Variants in ABCC8 observed in about 807,000 individuals in gnomAD.
The protein encoded by ABCC8 is ATP binding cassette subfamily C member 8.
In ABCC8, 137 loss-of-function variants were observed where a neutral mutation model predicts 188.0. The ratio of observed to expected loss-of-function variants is 0.73; its 90% CI spans 0.63 to 0.84. The LOEUF (loss-of-function observed/expected upper bound fraction) is 0.84, where lower values mean the gene tolerates loss of function less well. ABCC8 is among the 40% of genes least tolerant of loss of function. The pLI, the probability that ABCC8 is intolerant of heterozygous loss-of-function variation, is 0.00. For missense variants in ABCC8, 1,750 were observed against 2,072.7 expected, an observed-to-expected ratio of 0.84 and a Z score of 3.02; for synonymous variants, 797 against 846.5, an observed-to-expected ratio of 0.94 and a Z score of 1.01.
At position 17,459,912 on chromosome 11, in the gene ABCC8, G is replaced by C. The variant is rs1591883059; in HGVS notation, c.1011+576C>G. ...AGTCTCCAGTGTTTTTTAAGCCATG[G>C]AAACTTTTCTTAAAAAAGAAATTTT... On this transcript the variant is annotated intron_variant, in intron 6 of 38. Coordinates refer to ENST00000389817, the MANE Select transcript of ABCC8 (RefSeq NM_000352.6). Among the ~76,000 whole-genome samples, 5 of 152,302 alleles carry C rather than the reference G, an allele frequency of 3.3e-5. No individual in the cohort carries two copies. The South Asian group carries it at 1.0e-3, about 32-fold the overall frequency.
intron 6 of ABCC8, among the ~76,000 whole-genome samples, chr11:17,459,798 C>T (rs1957120181): frequency 6.6e-6 from 1 of 152,192 alleles, no homozygotes; most frequent in African/African-American, 2.4e-5. Context: ...GGGCAAATAA[C>T]CCCGGGGAAA....
At chr11:17,469,737 CT>C (rs1441510531) in intron 3 of ABCC8, among the ~76,000 whole-genome samples, 3 of 152,188 alleles carry the variant, frequency 2.0e-5, no homozygotes, top group Non-Finnish European at 4.4e-5. Flanking sequence ...TATCAGAGGA[CT>C]TTGCACTTGT....
chr11:17,396,865 AT>A, intron 33 of ABCC8, 50 bp downstream of exon 33: 1 of 1,608,074 alleles, frequency 6.2e-7, no homozygotes, highest in South Asian at 1.1e-5. Context: ...TGCATGCCCC[AT>A]CCCCTGCTCA....
rs1317527117 is a variant in ABCC8 at position 17,442,701 on chromosome 11, C to T, written c.1630+19G>A. ...TGTACGCAGCAGCACCCAGGGCTGGCTGTGTGGGGTGAACTCACTGGAGAT... is the reference window on the plus strand; with the variant it reads ...TGTACGCAGCAGCACCCAGGGCTGGTTGTGTGGGGTGAACTCACTGGAGAT... On this transcript the variant is annotated intron_variant, in intron 10 of 38. Transcript: ENST00000389817. The T allele has an allele frequency of 1.9e-6, 3 of 1,612,178 alleles. No individual in the cohort carries two copies. Among genetic ancestry groups the T allele is most frequent in the Non-Finnish European group, 2.5e-6 (3 of 1,179,052 alleles).
In ABCC8 at chr11:17,476,784, C is replaced by A. The variant is rs200091822; in HGVS notation, c.-8G>T. The A allele has an allele frequency of 4.4e-3, 6,744 of 1,545,004 alleles. 23 individuals are homozygous for A. The highest frequency in any genetic ancestry group is 5.4e-3 in the Non-Finnish European group (6,202 of 1,145,564). On this transcript the variant is annotated 5_prime_UTR_variant, in exon 1 of 39. Transcript: ENST00000389817. ...GCAGAAGGCCAGGGGCATGGCGGCG[C>A]GGGCGCGGGCTGGGCTCGGGCTCAG...
At chr11:17,450,361 CCTTTCCTTTCCTTT>C (rs144859479) in intron 7 of ABCC8, among the ~76,000 whole-genome samples, 6,159 of 64,280 alleles carry the variant, frequency 0.096, 1,010 homozygotes, top group East Asian at 0.56. Flanking sequence ...TTCTTTCCTT[CCTTTCCTTTCCTTT>C]CTTTCCTTTC....
At chr11:17,451,540 C>A (rs544860571) in intron 7 of ABCC8, among the ~76,000 whole-genome samples, 12 of 152,360 alleles carry the variant, frequency 7.9e-5, no homozygotes, top group Non-Finnish European at 1.2e-4. Flanking sequence ...CTGACATTGT[C>A]CCCAGCCCAA....
rs886048054 is a variant in ABCC8, at chr11:17,442,737, A to G, written c.1613T>C (p.Ile538Thr). The change falls in exon 10 of 39, where the codon ATC becomes ACC. Residue 538 changes from isoleucine to threonine, a missense_variant. Coordinates refer to ENST00000389817, the MANE Select transcript of ABCC8 (RefSeq NM_000352.6). ...GAACTCACTGGAGATGGAGGTATAGATGGCAAAGGCCCTGAGGCTGGTCAT... is the reference window on the plus strand; with the variant it reads ...GAACTCACTGGAGATGGAGGTATAGGTGGCAAAGGCCCTGAGGCTGGTCAT... ...KEMTSLRAFAIYTSISIFMNT... is the reference protein window; with the variant it reads ...KEMTSLRAFATYTSISIFMNT... 2 of 1,613,602 alleles carry G rather than the reference A, an allele frequency of 1.2e-6. No homozygotes were observed. Among genetic ancestry groups the G allele is most frequent in the East Asian group, 2.2e-5 (1 of 44,890 alleles).
chr11:17,455,818 A>G (rs1415212624), intron 6 of ABCC8, among the ~76,000 whole-genome samples: 1 of 151,970 alleles, frequency 6.6e-6, no homozygotes, highest in African/African-American at 2.4e-5. Flanking sequence ...GCATGCCTGT[A>G]ATCCCAGCTA....
chr11:17,402,844 G>C, intron 28 of ABCC8, 91 bp from the exon 29 acceptor site: 1 of 1,499,568 alleles, frequency 6.7e-7, no homozygotes, highest in Non-Finnish European at 9.3e-7. Flanking sequence ...ACCGCTGTGT[G>C]GGTGAATGGC....
chr11:17,407,217 G>C (rs751539455), intron 24 of ABCC8, 88 bp from the exon 25 acceptor site: 1 of 1,605,438 alleles, frequency 6.2e-7, no homozygotes, highest in Non-Finnish European at 8.5e-7. Context: ...TTACTGAGGG[G>C]ACAACGGGGG....
intron 16 of ABCC8, 95 bp downstream of exon 16, chr11:17,426,954 G>C (rs2133530831): frequency 7.1e-7 from 1 of 1,408,966 alleles, no homozygotes; most frequent in Non-Finnish European, 9.8e-7. Flanking sequence ...TGAACACAGA[G>C]TGGGCCCTCC....
chr11:17,425,027 G>A (rs1481296084), intron 16 of ABCC8, among the ~76,000 whole-genome samples: 1 of 152,216 alleles, frequency 6.6e-6, no homozygotes, highest in African/African-American at 2.4e-5. Context: ...GTGCACTGGG[G>A]ACTCTTGTCT....
intron 23 of ABCC8, 193 bp downstream of exon 23, chr11:17,408,199 C>A: frequency 1.8e-6 from 1 of 566,302 alleles, no homozygotes; most frequent in Non-Finnish European, 3.1e-6. Context: ...AAGGTGCCCA[C>A]CTGATTCTGC....
intron 23 of ABCC8, among the ~76,000 whole-genome samples, chr11:17,407,675 CCT>C (rs1403755764): frequency 2.6e-5 from 4 of 152,300 alleles, no homozygotes; most frequent in African/African-American, 4.8e-5. Flanking sequence ...CCACTCTTCC[CCT>C]GTTTTTAGTC....
intron 19 of ABCC8, 111 bp from the exon 20 acceptor site, chr11:17,413,589 C>T: frequency 1.2e-6 from 2 of 1,605,196 alleles, no homozygotes; most frequent in Non-Finnish European, 1.7e-6. Flanking sequence ...TGAGCAATGG[C>T]TTTAATAGGC....
At position 17,448,510 on chromosome 11, in the gene ABCC8, T is replaced by C; in HGVS notation, c.1332+6A>G. On this transcript the variant is annotated splice_donor_region_variant and intron_variant, in intron 8 of 38. Coordinates refer to ENST00000389817, the MANE Select transcript of ABCC8 (RefSeq NM_000352.6). ...CCCCCTCCCTTCCCCTCAGCCCATC[T>C]AGTACCTGTACTGGCATAGCCCAGA... 4 of 1,613,742 alleles carry C rather than the reference T, an allele frequency of 2.5e-6. No homozygotes were observed. The highest frequency in any genetic ancestry group is 3.4e-6 in the Non-Finnish European group (4 of 1,179,704).
At chr11:17,414,769 C>T (rs1954985480) in intron 18 of ABCC8, 159 bp from the exon 19 acceptor site, 1 of 916,250 alleles carries the variant, frequency 1.1e-6, no homozygotes, top group South Asian at 5.1e-5. Context: ...CCTTGCCTTC[C>T]CCCAGGCAGG....
intron 8 of ABCC8, among the ~76,000 whole-genome samples, chr11:17,445,967 T>C (rs910250773): frequency 4.5e-5 from 2 of 44,172 alleles, no homozygotes; most frequent in Non-Finnish European, 6.2e-5. Flanking sequence ...ACCTGATTTC[T>C]TTTTTTTTTT....
Sources: allele counts gnomAD v4.1 joint callset (sites outside exome capture counted in the v4.1 genomes callset), GRCh38; gene constraint gnomAD v4.1.1; transcripts MANE v1.5; gene names NCBI Gene and HGNC (gene_info 2026-07-23, HGNC 2026-07-21).